Variants in TMEM8B observed in about 807,000 individuals in gnomAD.
The protein encoded by TMEM8B is transmembrane protein 8B.
TMEM8B carries 29 observed loss-of-function variants against 49.3 expected under a neutral mutation model. The ratio of observed to expected loss-of-function variants is 0.59; its 90% CI spans 0.44 to 0.80. The LOEUF (loss-of-function observed/expected upper bound fraction) is 0.80, where lower values mean the gene tolerates loss of function less well. Ranked by LOEUF, TMEM8B falls within the 30% of genes least tolerant of loss-of-function variation. The pLI is 0.00. For synonymous variants in TMEM8B, 264 were observed against 272.8 expected, an observed-to-expected ratio of 0.97 and a Z score of 0.32; for missense variants, 575 against 658.5, an observed-to-expected ratio of 0.87 and a Z score of 1.39.
At position 35,859,846 on chromosome 9, in the gene TMEM8B, G is replaced by A. The variant is rs1471966817; in HGVS notation, c.*6006G>A. The A allele has an allele frequency of 1.3e-5, 2 of 153,590 alleles. No homozygotes were observed. Among genetic ancestry groups the A allele is most frequent in the African/African-American group, 2.4e-5 (1 of 41,464 alleles). 9.5% of individuals were successfully genotyped at this position (153,590 alleles called of 1,614,324 possible). A position where few individuals can be genotyped will look rare whatever the true frequency, so the allele number is the denominator to read the frequency against. On this transcript the variant is annotated 3_prime_UTR_variant, in exon 13 of 13. Coordinates refer to ENST00000643932, the MANE Select transcript of TMEM8B (RefSeq NM_001042590.4). ...GAGGGTGCAGCACGTTCAGCCCTAT[G>A]AGGAGGGCGTTCCCCAACACATTCA...
chr9:35,834,972 A>G (rs753893891), intron 2 of TMEM8B, 39 bp from the exon 3 acceptor site: 7 of 415,368 alleles, frequency 1.7e-5, no homozygotes, highest in Non-Finnish European at 2.7e-5. Context: ...CTCCCACCCC[A>G]TTGTCTGCTT....
In TMEM8B at chr9:35,854,110, C is replaced by G. The variant is rs1026054860; in HGVS notation, c.*270C>G. 2 of 1,018,138 alleles carry G rather than the reference C, an allele frequency of 2.0e-6. No homozygotes were observed. The highest frequency in any genetic ancestry group is 4.9e-5 in the South Asian group (1 of 20,596). 63.1% of individuals were successfully genotyped at this position (1,018,138 alleles called of 1,614,324 possible). ...CCTCAGGACCAAGGAGTCCCTCCTGCAGGTGTGGAGCCTTTCCTGGGATGC... is the reference window on the plus strand; with the variant it reads ...CCTCAGGACCAAGGAGTCCCTCCTGGAGGTGTGGAGCCTTTCCTGGGATGC... On this transcript the variant is annotated 3_prime_UTR_variant, in exon 13 of 13. Coordinates refer to ENST00000643932, the MANE Select transcript of TMEM8B (RefSeq NM_001042590.4).
chr9:35,848,153 GTCC>G (rs927936953), intron 10 of TMEM8B, among the ~76,000 whole-genome samples: 2 of 151,532 alleles, frequency 1.3e-5, no homozygotes, highest in African/African-American at 4.9e-5. Context: ...AGGGGCCTGG[GTCC>G]TCCTGGAGAT....
rs1829588677 is a variant in TMEM8B, at chr9:35,829,308, ACT to A, written c.-138_-137del. On this transcript the variant is annotated 5_prime_UTR_variant, in exon 1 of 13. Coordinates refer to ENST00000643932, the MANE Select transcript of TMEM8B (RefSeq NM_001042590.4). ...GCAGCCCGGAGTCGCCCAGGCCTGA[ACT>A]CCTACCCAGGTCCCCGGCCCCCGCC... 1 of 364,742 alleles carries A rather than the reference ACT, an allele frequency of 2.7e-6. No individual in the cohort carries two copies. Among genetic ancestry groups the A allele is most frequent in the Non-Finnish European group, 4.9e-6 (1 of 204,276 alleles). The allele number at this position is 364,742 out of a possible 1,614,324, so 22.6% of individuals were successfully genotyped here.
At chr9:35,845,105 T>C (rs1305006687) in intron 6 of TMEM8B, among the ~76,000 whole-genome samples, 1 of 152,208 alleles carries the variant, frequency 6.6e-6, no homozygotes. Flanking sequence ...ACAGGATGCA[T>C]GACAACACAC....
At chr9:35,835,837 T>C (rs1369595125) in intron 3 of TMEM8B, among the ~76,000 whole-genome samples, 1 of 152,174 alleles carries the variant, frequency 6.6e-6, no homozygotes, top group East Asian at 1.9e-4. Context: ...TTCACAGAGG[T>C]TGTTAAAGAC....
chr9:35,845,917 T>C, intron 6 of TMEM8B, 58 bp from the exon 7 acceptor site: 2 of 1,608,058 alleles, frequency 1.2e-6, no homozygotes, highest in South Asian at 1.1e-5. Flanking sequence ...AGTCTGAGGG[T>C]GGCGGTGGGT....
At chr9:35,844,212 A>G (rs941309264) in intron 6 of TMEM8B, among the ~76,000 whole-genome samples, 4 of 152,234 alleles carry the variant, frequency 2.6e-5, no homozygotes, top group African/African-American at 4.8e-5. Flanking sequence ...GGAAGAATTT[A>G]TGTCCCTCCT....
rs1219623899 is a variant in TMEM8B, at chr9:35,835,013, A to G, written c.701A>G (p.Tyr234Cys). 1 of 415,282 alleles carries G rather than the reference A, an allele frequency of 2.4e-6. No homozygotes were observed. Among genetic ancestry groups the G allele is most frequent in the South Asian group, 1.3e-4 (1 of 7,942 alleles). 25.7% of individuals were successfully genotyped at this position (415,282 alleles called of 1,614,324 possible). A position where few individuals can be genotyped will look rare whatever the true frequency, so the allele number is the denominator to read the frequency against. ...DHCPDQSVTV[Y>C]FRSGAPPVIN... The stretch of plus-strand genomic sequence containing the variant: ...CTCTCCTAATTCTGGTCCCCCAGGT[A>G]TTTCCGGTCCGGGGCACCCCCTGTC... Residue 234 changes from tyrosine to cysteine, a missense_variant and splice_region_variant, in exon 3 of 13, where the codon TAT (tyrosine) becomes TGT (cysteine). By Grantham distance (194) the Tyr-to-Cys change is radical. Transcript: ENST00000643932.
intron 10 of TMEM8B, 162 bp downstream of exon 10, chr9:35,847,157 T>G (rs1445218433): frequency 1.2e-6 from 2 of 1,609,530 alleles, no homozygotes; most frequent in South Asian, 2.2e-5. Context: ...CATGCATAGA[T>G]AATGGTCATT....
chr9:35,846,737 G>T lies in TMEM8B; in HGVS notation c.1997-80G>T, dbSNP rs1217602061. On this transcript the variant is annotated intron_variant, in intron 9 of 12. Transcript: ENST00000643932. ...GGGACGGGTTTGGCAGAGCCGGGGT[G>T]AGACCACCCTCCACAAGCTGTGGCG... 4 of 1,548,268 alleles carry T rather than the reference G, an allele frequency of 2.6e-6. No homozygotes were observed. In the African/African-American group the frequency reaches 5.4e-5, roughly 21 times the overall value.
At chr9:35,845,565 T>C (rs1831441141) in intron 6 of TMEM8B, 3 of 985,360 alleles carry the variant, frequency 3.0e-6, no homozygotes, top group Non-Finnish European at 3.6e-6. Flanking sequence ...ATGCTCCACC[T>C]GTCTTGGGGT....
intron 3 of TMEM8B, chr9:35,835,454 GA>G (rs1169140016): frequency 5.4e-6 from 2 of 371,450 alleles, no homozygotes; most frequent in African/African-American, 4.2e-5. Context: ...AAGCTGAAGG[GA>G]AAGTTGAGAA....
rs1298131789 is a variant in TMEM8B, at chr9:35,861,467, T to C, written c.*7627T>C. On this transcript the variant is annotated 3_prime_UTR_variant, in exon 13 of 13. Coordinates refer to ENST00000643932, the MANE Select transcript of TMEM8B (RefSeq NM_001042590.4). ...TGCCCTTGGCCATCCCTCTGTGTCATTGTGCGCTGTGGTGCACCTGTCTTC... is the reference window on the plus strand; with the variant it reads ...TGCCCTTGGCCATCCCTCTGTGTCACTGTGCGCTGTGGTGCACCTGTCTTC... 2.0e-5 allele frequency: 3 copies of C among 152,894 alleles called. No homozygotes were observed. Among genetic ancestry groups the C allele is most frequent in the Non-Finnish European group, 2.9e-5 (2 of 68,366 alleles). The allele number at this position is 152,894 out of a possible 1,614,324, so 9.5% of individuals were successfully genotyped here.
In TMEM8B at chr9:35,829,748, C is replaced by T. The variant is rs1829664289; in HGVS notation, c.301C>T (p.Leu101=). The T allele has an allele frequency of 7.3e-6, 3 of 413,122 alleles. No homozygotes were observed. In the East Asian group the frequency reaches 1.1e-4, roughly 15 times the overall value. The allele number at this position is 413,122 out of a possible 1,614,324, so 25.6% of individuals were successfully genotyped here. ...ACAGCCCTTCCTTCCATCCCACTCC[C>T]TGCCCTTGTTCAAGCCCCAGTGTCC... ...PSQPFLPSHS[L]PLFKPQCPAQ... Residue 101 remains leucine, a synonymous_variant, in exon 1 of 13, where the codon CTG becomes TTG. Transcript: ENST00000643932.
At chr9:35,838,493 T>G (rs187922248) in intron 3 of TMEM8B, among the ~76,000 whole-genome samples, 16 of 152,020 alleles carry the variant, frequency 1.1e-4, no homozygotes, top group African/African-American at 3.9e-4. Context: ...ACTTTTCTAT[T>G]CTCTTGCTTG....
chr9:35,836,966 G>A (rs946277678), intron 3 of TMEM8B, among the ~76,000 whole-genome samples: 1 of 152,192 alleles, frequency 6.6e-6, no homozygotes. Flanking sequence ...AACTTCTGTA[G>A]TCTTATATGG....
chr9:35,842,547 C>T lies in TMEM8B; in HGVS notation c.1465C>T (p.Pro489Ser). The change falls in exon 6 of 13, where the codon CCA becomes TCA. Residue 489 changes from proline to serine, a missense_variant. Coordinates refer to ENST00000643932, the MANE Select transcript of TMEM8B (RefSeq NM_001042590.4). This position sits in a 1 kb window ranked among gnomAD's most constrained non-coding sequence, Gnocchi z 5.6. ...CACGTCCCCACCCGAGCACTGCTGG[C>T]CAGTGCGCCCGACTCTGCGCAACGA... is the stretch of plus-strand genomic sequence containing the variant. The part of the protein sequence containing the change: ...GTTSPPEHCW[P>S]VRPTLRNELD... 1 of 1,614,176 alleles carries T rather than the reference C, an allele frequency of 6.2e-7. No individual in the cohort carries two copies. Among genetic ancestry groups the T allele is most frequent in the Non-Finnish European group, 8.5e-7 (1 of 1,180,024 alleles).
rs746145819 is a variant in TMEM8B at position 35,853,003 on chromosome 9, C to T, written c.2322+30C>T. ...GTCCAGAGTGGGCCCTGGGGAACAA[C>T]CATGGCCAAGTCTCCTTGAAATCCA... On this transcript the variant is annotated intron_variant, in intron 11 of 12. Coordinates refer to ENST00000643932, the MANE Select transcript of TMEM8B (RefSeq NM_001042590.4). The surrounding 1 kb of genome is among the most constrained non-coding windows in gnomAD (Gnocchi z 4.2). The T allele has an allele frequency of 2.5e-6, 4 of 1,613,822 alleles. No individual in the cohort carries two copies. The highest frequency in any genetic ancestry group is 2.5e-6 in the Non-Finnish European group (3 of 1,179,804).
Sources: allele counts gnomAD v4.1 joint callset (sites outside exome capture counted in the v4.1 genomes callset), GRCh38; gene constraint gnomAD v4.1.1; non-coding constraint Gnocchi (gnomAD v3.1); transcripts MANE v1.5; gene names NCBI Gene and HGNC (gene_info 2026-07-23, HGNC 2026-07-21).